FRMD4B: variants seen among roughly 807,000 people sequenced by gnomAD.
FRMD4B encodes FERM domain-containing protein 4B.
FRMD4B carries 74 observed loss-of-function variants against 141.5 expected under a neutral mutation model. That is an observed-to-expected ratio of 0.52 (90% CI 0.43 to 0.63). The LOEUF (loss-of-function observed/expected upper bound fraction) is 0.63, where lower values mean the gene tolerates loss of function less well. Among genes scored for constraint, FRMD4B ranks in the 30% least tolerant of loss-of-function variants. FRMD4B has a pLI of 0.00. For synonymous variants in FRMD4B, 506 were observed against 467.9 expected (o/e 1.08, Z -1.05); for missense variants, 1,366 against 1,253.4 (o/e 1.09, Z -1.36).
At chr3:69,378,516 G>C (rs1704032758) in intron 1 of FRMD4B, among the ~76,000 whole-genome samples, 1 of 152,306 alleles carries the variant, frequency 6.6e-6, no homozygotes. Context: ...ATTGCTTTAA[G>C]CCACCAGGAT....
At chr3:69,504,948 A>G (rs1440434849) in intron 1 of FRMD4B, among the ~76,000 whole-genome samples, 3 of 152,138 alleles carry the variant, frequency 2.0e-5, no homozygotes, top group East Asian at 1.9e-4. Context: ...CAACTACAAA[A>G]CTTTTCTAAT....
chr3:69,478,004 A>G (rs1706032610), intron 1 of FRMD4B, among the ~76,000 whole-genome samples: 1 of 152,058 alleles, frequency 6.6e-6, no homozygotes, highest in Non-Finnish European at 1.5e-5. Flanking sequence ...AGGTGTTTGT[A>G]GTATTCTCTG....
upstream of FRMD4B, among the ~76,000 whole-genome samples, chr3:69,387,094 G>A (rs1316360634): frequency 3.9e-5 from 6 of 152,068 alleles, no homozygotes; most frequent in African/African-American, 1.4e-4. Context: ...GGAAACATTT[G>A]GAAAAGGGAG....
chr3:69,313,612 C>A, intron 1 of FRMD4B, 95 bp from the exon 2 acceptor site: 1 of 759,612 alleles, frequency 1.3e-6, no homozygotes, highest in East Asian at 2.7e-5. Context: ...GAGATGGGCT[C>A]AGCCTAAAAA....
rs777547137 is a variant in FRMD4B at position 69,302,372 on chromosome 3, T to C, written c.387A>G (p.Pro129=). ...CAGCAAAGTGCAAAATGGTTGGGCC[T>C]GGTTTCTTGGGCAAATCGTGGTCAA... ...RVLDHDLPKK[P]GPTILHFAVR... The change falls in exon 4 of 23, where the codon CCA becomes CCG. Residue 129 remains proline (P), a synonymous_variant. Coordinates refer to ENST00000398540, the MANE Select transcript of FRMD4B (RefSeq NM_015123.3). 1.9e-6 allele frequency: 3 copies of C among 1,607,708 alleles called. No individual in the cohort carries two copies. Among genetic ancestry groups the C allele is most frequent in the Non-Finnish European group, 2.6e-6 (3 of 1,175,576 alleles).
intron 1 of FRMD4B, among the ~76,000 whole-genome samples, chr3:69,344,855 G>C (rs978767059): frequency 3.3e-5 from 5 of 152,100 alleles, no homozygotes; most frequent in Non-Finnish European, 7.4e-5. Flanking sequence ...AACCACAGGG[G>C]CAGTTCCAAG....
At chr3:69,379,620 A>C (rs1704063944) in intron 1 of FRMD4B, among the ~76,000 whole-genome samples, 1 of 152,094 alleles carries the variant, frequency 6.6e-6, no homozygotes, top group African/African-American at 2.4e-5. Flanking sequence ...TATTCCTTTA[A>C]GTTCTGTTTT....
At chr3:69,299,507 T>G (rs1701141613) in intron 4 of FRMD4B, among the ~76,000 whole-genome samples, 1 of 152,158 alleles carries the variant, frequency 6.6e-6, no homozygotes, top group African/African-American at 2.4e-5. Context: ...TATATCAGAA[T>G]CTGGGCCAGG....
At chr3:69,200,813 C>T (rs1486323427) in intron 11 of FRMD4B, 1 of 541,274 alleles carries the variant, frequency 1.8e-6, no homozygotes, top group Non-Finnish European at 3.3e-6. Context: ...TTTACTCACC[C>T]TGGACATGAA....
At chr3:69,222,042 T>A (rs1204854237) in intron 8 of FRMD4B, 119 bp from the exon 9 acceptor site, 1 of 679,996 alleles carries the variant, frequency 1.5e-6, no homozygotes, top group Non-Finnish European at 2.7e-6. Context: ...ACCAACTTGT[T>A]TGGTAGATAG....
intron 1 of FRMD4B, among the ~76,000 whole-genome samples, chr3:69,338,251 G>T (rs934473334): frequency 6.6e-6 from 1 of 152,144 alleles, no homozygotes; most frequent in East Asian, 1.9e-4. Flanking sequence ...GGTGGGAATT[G>T]AACAATGACA....
At position 69,271,844 on chromosome 3, in the gene FRMD4B, G is replaced by A. The variant is rs1040876530; in HGVS notation, c.501+15908C>T. Among the ~76,000 whole-genome samples the A allele has an allele frequency of 3.9e-5, 6 of 151,970 alleles. No homozygotes were observed. In the South Asian group the frequency reaches 6.2e-4, roughly 16 times the overall value. On this transcript the variant is annotated intron_variant, in intron 5 of 22. Transcript: ENST00000398540. ...AAAAAAATTAGCTGGGCATGGTGGC[G>A]GACGCCTATAATCCCAGCTGCTCGG...
intron 1 of FRMD4B, chr3:69,322,906 G>T: frequency 7.7e-6 from 2 of 258,110 alleles, no homozygotes; most frequent in African/African-American, 2.3e-5. Flanking sequence ...AGATTTCATA[G>T]ATGACCAAAC....
intron 4 of FRMD4B, among the ~76,000 whole-genome samples, chr3:69,296,974 G>A (rs551435062): frequency 8.5e-5 from 13 of 152,170 alleles, no homozygotes; most frequent in South Asian, 8.3e-4. Flanking sequence ...CTGTACAGAC[G>A]TTTTTGTAAA....
At chr3:69,429,460 C>T (rs773238615) in intron 2 of FRMD4B, among the ~76,000 whole-genome samples, 10 of 152,122 alleles carry the variant, frequency 6.6e-5, no homozygotes, top group South Asian at 2.1e-4. Context: ...TCATAGGTGA[C>T]GAGCATGGTT....
chr3:69,234,077 C>T (rs960612809), intron 7 of FRMD4B, among the ~76,000 whole-genome samples: 48 of 152,192 alleles, frequency 3.2e-4, no homozygotes, highest in Middle Eastern at 3.4e-3. Flanking sequence ...GAAACTCCGT[C>T]TCTACTTAAA....
In FRMD4B at chr3:69,420,232, G is replaced by T. The variant is rs186375108; in HGVS notation, c.-1+12402C>A. 9.9e-4 allele frequency among the ~76,000 whole-genome samples: 141 copies of T among 142,830 alleles called. 2 individuals carry two copies. The highest frequency in any genetic ancestry group is 3.6e-3 in the African/African-American group (136 of 38,236). The allele number at this position is 142,830 out of a possible 152,430, so 93.7% of individuals were successfully genotyped here. On this transcript the variant is annotated intron_variant, in intron 2 of 5. Transcript: ENST00000459638. The stretch of plus-strand genomic sequence containing the variant: ...AAAAATCTCAGAAGGGGCGTGGCTT[G>T]ATTAAACTGGCAGAATCGCTTTCTA...
chr3:69,399,929 G>A (rs1704532191), intron 2 of FRMD4B, among the ~76,000 whole-genome samples: 2 of 152,118 alleles, frequency 1.3e-5, no homozygotes, highest in Non-Finnish European at 2.9e-5. Context: ...AAAAGTAATT[G>A]CAGATTTTGC....
At chr3:69,374,404 G>A (rs777077681) in intron 1 of FRMD4B, among the ~76,000 whole-genome samples, 1 of 152,020 alleles carries the variant, frequency 6.6e-6, no homozygotes, top group Admixed American at 6.6e-5. Context: ...GCATCTAATC[G>A]AATTTTAATG....
Sources: gnomAD v4.1 joint callset for allele counts (sites outside exome capture counted in the v4.1 genomes callset) on GRCh38, gnomAD v4.1.1 for gene constraint, MANE v1.5 for transcripts, NCBI Gene and HGNC (gene_info 2026-07-23, HGNC 2026-07-21) for gene names.